CHPT1: variants seen among roughly 807,000 people sequenced by gnomAD.
The protein encoded by CHPT1 is choline phosphotransferase 1.
In CHPT1, 36 loss-of-function variants were observed where a neutral mutation model predicts 47.6. That is an observed-to-expected ratio of 0.76 (90% confidence interval 0.58 to 1.00). CHPT1 has a LOEUF of 1.00. Ranked by LOEUF, CHPT1 falls within the 50% of genes least tolerant of loss-of-function variation. The probability of loss-of-function intolerance (pLI) is 0.00; values close to 1 mark genes in which losing one functional copy is unlikely to be tolerated. For missense variants in CHPT1, 458 were observed against 498.1 expected (o/e 0.92, Z 0.77); for synonymous variants, 194 against 186.3 (o/e 1.04, Z -0.33).
intron 1 of CHPT1, among the ~76,000 whole-genome samples, chr12:101,704,558 T>C (rs1056803910): frequency 2.0e-5 from 3 of 150,922 alleles, no homozygotes; most frequent in Non-Finnish European, 3.0e-5. Flanking sequence ...TGCACCACCA[T>C]GCCTGGCTAA....
At chr12:101,724,377 A>G (rs1279047008) in intron 7 of CHPT1, among the ~76,000 whole-genome samples, 1 of 152,214 alleles carries the variant, frequency 6.6e-6, no homozygotes, top group Non-Finnish European at 1.5e-5. Context: ...TCTTGGAAAC[A>G]CAACTGTGTA....
Position 101,726,327 on chromosome 12 carries a change from A to G in CHPT1, c.1099A>G (p.Ser367Gly), listed in dbSNP as rs1404553980. 3.1e-6 allele frequency: 5 copies of G among 1,612,334 alleles called. No individual in the cohort carries two copies. In the Admixed American group the frequency reaches 6.7e-5, roughly 21 times the overall value. Residue 367 changes from serine (S) to glycine (G), a missense_variant, in exon 8 of 9, where the codon AGT becomes GGT. Ser to Gly is a moderately conservative substitution (Grantham distance 56). Transcript: ENST00000229266. ...TTCATTTGATATGGTGATATACTTT[A>G]GTGCTTTGTGCCTGCAAATTTCAAG... The part of the protein sequence containing the change: ...ISSFDMVIYF[S>G]ALCLQISRHL...
At position 101,723,326 on chromosome 12, in the gene CHPT1, G is replaced by A. The variant is rs147734635; in HGVS notation, c.939G>A (p.Val313=). The change falls in exon 6 of 9, where the codon GTG becomes GTA. Residue 313 remains valine, a splice_region_variant and synonymous_variant. Transcript: ENST00000229266. ...CVFAKVSQKL[V]VAHMTKSELY... ...TTGCTAAAGTCTCACAAAAATTAGT[G>A]GTAAGAAATTTTTATTATTCATGAT... 79 of 1,553,302 alleles carry A rather than the reference G, an allele frequency of 5.1e-5. No individual in the cohort carries two copies. Among genetic ancestry groups the A allele is most frequent in the Non-Finnish European group, 6.6e-5 (75 of 1,141,960 alleles).
chr12:101,719,033 T>C (rs1015410029), intron 4 of CHPT1, among the ~76,000 whole-genome samples: 1 of 151,704 alleles, frequency 6.6e-6, no homozygotes, highest in African/African-American at 2.4e-5. Context: ...GATGGGCACC[T>C]GTAATCCCAG....
Position 101,728,925 on chromosome 12 carries a change from C to T in CHPT1, c.1201C>T (p.His401Tyr). Residue 401 changes from histidine (H) to tyrosine (Y), a missense_variant, in exon 9 of 9, where the codon CAT becomes TAT. Coordinates refer to ENST00000229266, the MANE Select transcript of CHPT1 (RefSeq NM_020244.3). ...GGTTCAAGTTCTTTCTTCAAAGAGT[C>T]ATCAGAATAACATGGATTGAAGAGA... ...EQVQVLSSKS[H>Y]QNNMD The T allele has an allele frequency of 6.2e-7, 1 of 1,613,456 alleles. No individual in the cohort carries two copies.
intron 8 of CHPT1, chr12:101,726,608 C>T: frequency 1.6e-6 from 1 of 633,594 alleles, no homozygotes; most frequent in Non-Finnish European, 2.4e-6. Flanking sequence ...TTTTTTATCA[C>T]AGATGTTCTC....
chr12:101,715,317 C>T (rs903376223), intron 3 of CHPT1, among the ~76,000 whole-genome samples: 10 of 152,070 alleles, frequency 6.6e-5, no homozygotes, highest in Admixed American at 2.0e-4. Context: ...GCTTCCCATG[C>T]CTACTGATTC....
chr12:101,719,672 A>T (rs1471346638), intron 4 of CHPT1: 1 of 353,762 alleles, frequency 2.8e-6, no homozygotes, highest in Non-Finnish European at 5.2e-6. Context: ...CAAATGAACT[A>T]TCCTTTTTCA....
At chr12:101,709,376 T>G in intron 1 of CHPT1, among the ~76,000 whole-genome samples, 1 of 110,820 alleles carries the variant, frequency 9.0e-6, no homozygotes, top group Non-Finnish European at 1.8e-5. Context: ...GGCAACAGAG[T>G]GAGACCTGTG....
intron 1 of CHPT1, among the ~76,000 whole-genome samples, chr12:101,699,109 G>A (rs887728431): frequency 6.6e-6 from 1 of 152,142 alleles, no homozygotes; most frequent in African/African-American, 2.4e-5. Flanking sequence ...TTGAGACAGG[G>A]GTTTACTCTG....
At chr12:101,713,366 T>TA (rs1951721381) in intron 1 of CHPT1, among the ~76,000 whole-genome samples, 1 of 152,182 alleles carries the variant, frequency 6.6e-6, no homozygotes, top group Non-Finnish European at 1.5e-5. Context: ...GTCCACAACT[T>TA]ATGCTCCTCT....
At chr12:101,704,331 C>T (rs1951599090) in intron 1 of CHPT1, among the ~76,000 whole-genome samples, 2 of 151,206 alleles carry the variant, frequency 1.3e-5, no homozygotes, top group Admixed American at 1.3e-4. Flanking sequence ...AACTTTAAAT[C>T]AACTCTTTTA....
intron 1 of CHPT1, among the ~76,000 whole-genome samples, chr12:101,702,070 A>G (rs1293202760): frequency 2.0e-5 from 3 of 152,160 alleles, no homozygotes; most frequent in African/African-American, 7.2e-5. Context: ...TAATCTTAAA[A>G]TAGAATCACA....
chr12:101,716,344 A>G (rs563607867), intron 3 of CHPT1, among the ~76,000 whole-genome samples: 62 of 151,746 alleles, frequency 4.1e-4, no homozygotes, highest in African/African-American at 1.5e-3. Context: ...TTTGCCTTAA[A>G]TCATATGGTT....
rs940959484 is a variant in CHPT1, at chr12:101,710,042, A to G, written c.274-4048A>G. ...GGATTTCTGTATTAATTGAAATAAT[A>G]CATTAGAAATGCTGTTTATCAGCTG... On this transcript the variant is annotated intron_variant, in intron 1 of 8. Coordinates refer to ENST00000229266, the MANE Select transcript of CHPT1 (RefSeq NM_020244.3). 1.3e-5 allele frequency among the ~76,000 whole-genome samples: 2 copies of G among 149,288 alleles called. 1 individual carries two copies. The highest frequency in any genetic ancestry group is 6.8e-3 in the Middle Eastern group (2 of 296).
At chr12:101,726,589 G>A (rs1218429480) in intron 8 of CHPT1, 185 bp downstream of exon 8, 1 of 748,824 alleles carries the variant, frequency 1.3e-6, no homozygotes, top group Non-Finnish European at 1.9e-6. Context: ...AGCCCCCATT[G>A]TATCATCATT....
intron 1 of CHPT1, among the ~76,000 whole-genome samples, chr12:101,701,637 T>A (rs1276643382): frequency 6.6e-6 from 1 of 152,252 alleles, no homozygotes; most frequent in Non-Finnish European, 1.5e-5. Context: ...CGTTTTATTT[T>A]GGTTGTCTGT....
In CHPT1 at chr12:101,700,323, G is replaced by GAA. The variant is rs5800482; in HGVS notation, c.273+2204_273+2205dup. ...TTAGTTTTTAGGATCAGCCTCATGT[G>GAA]AAAAAAAAAAAAAAAAGGGTGGAGG... On this transcript the variant is annotated intron_variant, in intron 1 of 8. Coordinates refer to ENST00000229266, the MANE Select transcript of CHPT1 (RefSeq NM_020244.3). 4.9e-4 allele frequency among the ~76,000 whole-genome samples: 65 copies of GAA among 132,694 alleles called. 2 individuals are homozygous for GAA. The highest frequency in any genetic ancestry group is 1.4e-3 in the African/African-American group (50 of 35,332). The allele number at this position is 132,694 out of a possible 152,430, so 87.1% of individuals were successfully genotyped here.
In CHPT1 at chr12:101,714,574, T is replaced by C. The variant is rs1387311062; in HGVS notation, c.492T>C (p.Ser164=). The C allele has an allele frequency of 1.2e-6, 2 of 1,613,198 alleles. No individual in the cohort carries two copies. Among genetic ancestry groups the C allele is most frequent in the Non-Finnish European group, 1.7e-6 (2 of 1,179,602 alleles). The change falls in exon 3 of 9, where the codon TCT becomes TCC. Residue 164 remains serine (S), a synonymous_variant. Transcript: ENST00000229266. The stretch of plus-strand genomic sequence containing the variant: ...ATCCTGACTGGTTTTTTTTCTGCTC[T>C]TTTATTGGGATGTTTGTGTTTTATT... ...GTYPDWFFFC[S]FIGMFVFYCA...
Sources: gnomAD v4.1 joint callset for allele counts (sites outside exome capture counted in the v4.1 genomes callset) on GRCh38, gnomAD v4.1.1 for gene constraint, MANE v1.5 for transcripts, NCBI Gene and HGNC (gene_info 2026-07-23, HGNC 2026-07-21) for gene names.